Variants in LIN28B observed in about 807,000 individuals in gnomAD.
LIN28B encodes protein lin-28 homolog B.
LIN28B carries 5 observed loss-of-function variants against 21.9 expected under a neutral mutation model. That is an observed-to-expected ratio of 0.23 (90% confidence interval 0.12 to 0.48). LIN28B has a LOEUF of 0.48. Among genes scored for constraint, LIN28B ranks in the 20% least tolerant of loss-of-function variants. The pLI is 0.98. For synonymous variants in LIN28B, 109 were observed against 111.3 expected (o/e 0.98, Z 0.13); for missense variants, 245 against 310.5 (o/e 0.79, Z 1.58).
chr6:105,075,740 A>G (rs937631615), intron 3 of LIN28B, among the ~76,000 whole-genome samples: 6 of 152,244 alleles, frequency 3.9e-5, no homozygotes, highest in Admixed American at 3.9e-4. Flanking sequence ...GAATACTGAC[A>G]TCAGGCTCCT....
chr6:105,043,981 A>G (rs780485775), intron 3 of LIN28B, among the ~76,000 whole-genome samples: 2 of 152,260 alleles, frequency 1.3e-5, no homozygotes, highest in South Asian at 2.1e-4. Context: ...AATAATAACT[A>G]TATCCTCTAT....
At chr6:105,059,219 A>AT (rs36072589) in intron 3 of LIN28B, among the ~76,000 whole-genome samples, 6 of 150,204 alleles carry the variant, frequency 4.0e-5, no homozygotes, top group African/African-American at 4.9e-5. Flanking sequence ...ATATATATGT[A>AT]TTTTTTTTTT....
chr6:105,051,576 C>A (rs774392295), intron 3 of LIN28B, among the ~76,000 whole-genome samples: 5 of 151,560 alleles, frequency 3.3e-5, no homozygotes, highest in Non-Finnish European at 5.9e-5. Context: ...AATAGAAAGA[C>A]GTATACTCTG....
intron 3 of LIN28B, among the ~76,000 whole-genome samples, chr6:105,069,352 TAA>T (rs1178922349): frequency 6.6e-6 from 1 of 152,184 alleles, no homozygotes; most frequent in Non-Finnish European, 1.5e-5. Flanking sequence ...GATGGAGAAT[TAA>T]AAGAGTTATT....
chr6:105,000,207 A>G (rs1006919474), intron 2 of LIN28B, among the ~76,000 whole-genome samples: 4 of 152,180 alleles, frequency 2.6e-5, no homozygotes, highest in African/African-American at 4.8e-5. Flanking sequence ...TGAAAAAAGT[A>G]TAGTATGAAA....
intron 2 of LIN28B, among the ~76,000 whole-genome samples, chr6:104,980,916 G>C (rs2114254014): frequency 6.6e-6 from 1 of 152,058 alleles, no homozygotes; most frequent in East Asian, 1.9e-4. Flanking sequence ...GCCAAATGCT[G>C]TCATATTCTG....
intron 3 of LIN28B, among the ~76,000 whole-genome samples, chr6:105,070,006 C>T (rs944746495): frequency 6.6e-6 from 1 of 152,132 alleles, no homozygotes; most frequent in Non-Finnish European, 1.5e-5. Context: ...CACCCCTCCC[C>T]TCTTCCTTTC....
rs144954928 is a variant in LIN28B at position 105,029,027 on chromosome 6, A to G, written c.383+2545A>G. ...GTTAAATGGTGCTGATGGTGAAATG[A>G]TCAAGTAAGATAACCATTGAAACTT... is the stretch of plus-strand genomic sequence containing the variant. On this transcript the variant is annotated intron_variant, in intron 3 of 3. Coordinates refer to ENST00000345080, the MANE Select transcript of LIN28B (RefSeq NM_001004317.4). Among the ~76,000 whole-genome samples, 286 of 152,342 alleles carry G rather than the reference A, an allele frequency of 1.9e-3. 1 individual carries two copies. Among genetic ancestry groups the G allele is most frequent in the African/African-American group, 6.5e-3 (272 of 41,582 alleles).
At position 105,029,815 on chromosome 6, in the gene LIN28B, A is replaced by T. The variant is rs541552096; in HGVS notation, c.383+3333A>T. Among the ~76,000 whole-genome samples the T allele has an allele frequency of 2.0e-5, 3 of 152,290 alleles. No homozygotes were observed. The East Asian group carries it at 5.8e-4, about 29-fold the overall frequency. ...AGAGTTGAGGTTTTTCCTAGTTGAGAATGACAAAGGGCACTGGAGATGTAT... is the reference window on the plus strand; with the variant it reads ...AGAGTTGAGGTTTTTCCTAGTTGAGTATGACAAAGGGCACTGGAGATGTAT... On this transcript the variant is annotated intron_variant, in intron 3 of 3. Transcript: ENST00000345080.
chr6:104,958,682 C>T (rs752243608), intron 2 of LIN28B, among the ~76,000 whole-genome samples: 1 of 152,122 alleles, frequency 6.6e-6, no homozygotes, highest in Non-Finnish European at 1.5e-5. Flanking sequence ...AAACAGTTTG[C>T]TGTGGAAAGA....
intron 3 of LIN28B, among the ~76,000 whole-genome samples, chr6:105,056,932 G>GT (rs984945981): frequency 6.6e-6 from 1 of 152,070 alleles, no homozygotes; most frequent in African/African-American, 2.4e-5. Context: ...AAGCGCTACA[G>GT]TTTTTTACTA....
intron 2 of LIN28B, among the ~76,000 whole-genome samples, chr6:104,983,737 T>G (rs921349624): frequency 6.6e-6 from 1 of 152,084 alleles, no homozygotes; most frequent in African/African-American, 2.4e-5. Flanking sequence ...CTACCATTCC[T>G]GGCTAATTTT....
At chr6:104,998,607 A>G (rs1331336805) in intron 2 of LIN28B, among the ~76,000 whole-genome samples, 1 of 152,132 alleles carries the variant, frequency 6.6e-6, no homozygotes, top group Non-Finnish European at 1.5e-5. Flanking sequence ...TCCTCTTAGA[A>G]TCCAGTATCA....
rs1771172366 is a variant in LIN28B at position 105,023,216 on chromosome 6, T to TAC, written c.199-3081_199-3080insCA. On this transcript the variant is annotated intron_variant, in intron 2 of 3. Transcript: ENST00000345080. ...GCCATTATAGTTTCTTATGGATATA[T>TAC]ATATATATATAATATATATTATATT... Among the ~76,000 whole-genome samples, 3 of 98,902 alleles carry TAC rather than the reference T, an allele frequency of 3.0e-5. No homozygotes were observed. In the South Asian group the frequency reaches 7.9e-4, roughly 26 times the overall value. The allele number at this position is 98,902 out of a possible 152,430, so 64.9% of individuals were successfully genotyped here. A position where few individuals can be genotyped will look rare whatever the true frequency, so the allele number is the denominator to read the frequency against.
intron 2 of LIN28B, among the ~76,000 whole-genome samples, chr6:104,967,523 G>C (rs1402989901): frequency 1.6e-5 from 2 of 125,780 alleles, no homozygotes; most frequent in Non-Finnish European, 3.1e-5. Context: ...GGAGGTTGCA[G>C]AGAACCGAGA....
chr6:105,010,431 T>G (rs1028373547), intron 2 of LIN28B, among the ~76,000 whole-genome samples: 4 of 152,132 alleles, frequency 2.6e-5, no homozygotes, highest in Non-Finnish European at 4.4e-5. Flanking sequence ...ATCTTTAAAT[T>G]TAAGCAAACC....
chr6:105,034,763 AAAGTT>A (rs1261220058), intron 3 of LIN28B, among the ~76,000 whole-genome samples: 2 of 152,104 alleles, frequency 1.3e-5, no homozygotes, highest in African/African-American at 4.8e-5. Context: ...GTGTGATAGT[AAAGTT>A]ATTTTTGTAG....
At chr6:104,985,309 T>C (rs1770311978) in intron 2 of LIN28B, among the ~76,000 whole-genome samples, 1 of 152,146 alleles carries the variant, frequency 6.6e-6, no homozygotes. Flanking sequence ...GTGTTTTTAA[T>C]ACTAGGTTTG....
intron 3 of LIN28B, among the ~76,000 whole-genome samples, chr6:105,055,031 T>G (rs1771994656): frequency 2.0e-5 from 3 of 152,172 alleles, no homozygotes; most frequent in Admixed American, 6.5e-5. Context: ...ATATAATTCA[T>G]TTATTTGTTC....
Sources: gnomAD v4.1 joint callset for allele counts (sites outside exome capture counted in the v4.1 genomes callset) on GRCh38, gnomAD v4.1.1 for gene constraint, MANE v1.5 for transcripts, NCBI Gene and HGNC (gene_info 2026-07-23, HGNC 2026-07-21) for gene names.